Variants in TAF3 observed in about 807,000 individuals in gnomAD.
TAF3 encodes the protein TATA-box binding protein associated factor 3.
A neutral mutation model predicts 80.6 loss-of-function variants in TAF3; 7 were observed. The observed-to-expected ratio is 0.09, with a 90% CI of 0.05 to 0.16. The LOEUF (loss-of-function observed/expected upper bound fraction) is 0.16, where lower values mean the gene tolerates loss of function less well. Among genes scored for constraint, TAF3 ranks in the 10% least tolerant of loss-of-function variants. The pLI is 1.00. For missense variants in TAF3, 921 were observed against 1,140.2 expected, an observed-to-expected ratio of 0.81 and a Z score of 2.77; for synonymous variants, 444 against 446.1, an observed-to-expected ratio of 1.00 and a Z score of 0.06.
intron 3 of TAF3, among the ~76,000 whole-genome samples, chr10:7,976,664 G>A (rs777729411): frequency 6.6e-6 from 1 of 151,960 alleles, no homozygotes; most frequent in Non-Finnish European, 1.5e-5. Context: ...GGCCTCCCAA[G>A]GTGCTGAGAT....
At chr10:7,908,085 CCA>C (rs1176747114) in intron 2 of TAF3, among the ~76,000 whole-genome samples, 1 of 152,234 alleles carries the variant, frequency 6.6e-6, no homozygotes, top group East Asian at 1.9e-4. Context: ...GTCCTTTATT[CCA>C]CATTTCCAAC....
chr10:7,858,377 C>T (rs1837103918), intron 2 of TAF3, among the ~76,000 whole-genome samples: 1 of 152,134 alleles, frequency 6.6e-6, no homozygotes, highest in African/African-American at 2.4e-5. Context: ...GTTTTTCTTC[C>T]TGGCGCTTGA....
At chr10:7,985,381 T>A (rs1245208156) in intron 4 of TAF3, among the ~76,000 whole-genome samples, 1 of 152,218 alleles carries the variant, frequency 6.6e-6, no homozygotes, top group Non-Finnish European at 1.5e-5. Context: ...GCTCCTCTCC[T>A]CTGTGTCTTC....
chr10:7,823,069 C>T (rs950993387), intron 1 of TAF3, among the ~76,000 whole-genome samples: 1 of 152,098 alleles, frequency 6.6e-6, no homozygotes, highest in Non-Finnish European at 1.5e-5. Flanking sequence ...GCCATGATTG[C>T]CCTTCTGCAC....
At chr10:7,909,771 C>T (rs1393608954) in intron 2 of TAF3, among the ~76,000 whole-genome samples, 1 of 152,122 alleles carries the variant, frequency 6.6e-6, no homozygotes, top group Non-Finnish European at 1.5e-5. Context: ...TCTTTATTTG[C>T]AGAATAGGAA....
At chr10:7,865,478 CAA>C (rs1837202947) in intron 2 of TAF3, among the ~76,000 whole-genome samples, 1 of 53,794 alleles carries the variant, frequency 1.9e-5, no homozygotes, top group Non-Finnish European at 5.3e-5. Flanking sequence ...GACTCCGTCT[CAA>C]ACAAACAAAC....
At chr10:7,935,505 AC>A in intron 2 of TAF3, among the ~76,000 whole-genome samples, 1 of 150,768 alleles carries the variant, frequency 6.6e-6, no homozygotes, top group East Asian at 2.0e-4. Flanking sequence ...AATGGCGTGA[AC>A]CCGGGAGGCG....
intron 2 of TAF3, among the ~76,000 whole-genome samples, chr10:7,838,812 G>C (rs1420684899): frequency 3.3e-5 from 5 of 151,548 alleles, no homozygotes; most frequent in African/African-American, 1.2e-4. Flanking sequence ...GGCCCTCTCA[G>C]ATACCTTCCT....
At chr10:7,869,719 A>C (rs74514054) in intron 2 of TAF3, among the ~76,000 whole-genome samples, 1 of 152,230 alleles carries the variant, frequency 6.6e-6, no homozygotes, top group Non-Finnish European at 1.5e-5. Context: ...CTGTCCCAGC[A>C]TGCACCCCTG....
chr10:7,913,454 A>C (rs1233165176), intron 2 of TAF3, among the ~76,000 whole-genome samples: 1 of 152,266 alleles, frequency 6.6e-6, no homozygotes, highest in African/African-American at 2.4e-5. Context: ...TAATAGAAAT[A>C]GAGAAGTCAG....
chr10:7,974,696 G>T (rs1011865598), intron 3 of TAF3, among the ~76,000 whole-genome samples: 8 of 152,162 alleles, frequency 5.3e-5, no homozygotes, highest in Non-Finnish European at 1.2e-4. Context: ...AGACAATGAA[G>T]TGAAGATTGA....
rs1836659638 is a variant in TAF3, at chr10:7,818,919, A to G, written c.166+44A>G. The G allele has an allele frequency of 8.8e-6, 12 of 1,364,356 alleles. No homozygotes were observed. The South Asian group carries it at 1.3e-4, about 15-fold the overall frequency. The allele number at this position is 1,364,356 out of a possible 1,614,324, so 84.5% of individuals were successfully genotyped here. On this transcript the variant is annotated intron_variant, in intron 1 of 6. Coordinates refer to ENST00000344293, the MANE Select transcript of TAF3 (RefSeq NM_031923.4). ...GCGGGAGGGCTGCCCCGGCAAGTCA[A>G]GGGTGACACCTTCGCTCTCCCTGTC...
rs375155158 is a variant in TAF3 at position 7,965,337 on chromosome 10, G to A, written c.1827G>A (p.Val609=). Residue 609 remains valine (V), a synonymous_variant, in exon 3 of 7, where the codon GTG becomes GTA. Coordinates refer to ENST00000344293, the MANE Select transcript of TAF3 (RefSeq NM_031923.4). ...DPKVKLKDGL[V]RKEKEKHKDK... ...AAGTGAAATTGAAAGATGGACTTGT[G>A]AGGAAGGAGAAAGAGAAGCATAAAG... 19 of 1,603,666 alleles carry A rather than the reference G, an allele frequency of 1.2e-5. No individual in the cohort carries two copies. The African/African-American group carries it at 2.4e-4, about 21-fold the overall frequency.
At chr10:7,883,583 T>G (rs568641797) in intron 2 of TAF3, among the ~76,000 whole-genome samples, 1 of 152,344 alleles carries the variant, frequency 6.6e-6, no homozygotes, top group Admixed American at 6.5e-5. Context: ...TACCTACTAG[T>G]TTATCATCCA....
chr10:7,882,525 T>C (rs1164088542), intron 2 of TAF3, among the ~76,000 whole-genome samples: 1 of 152,188 alleles, frequency 6.6e-6, no homozygotes, highest in East Asian at 1.9e-4. Context: ...GGAAAGCCCT[T>C]GAAAGGTTTT....
intron 2 of TAF3, among the ~76,000 whole-genome samples, chr10:7,911,016 A>G (rs1837652449): frequency 6.6e-6 from 1 of 152,224 alleles, no homozygotes; most frequent in Non-Finnish European, 1.5e-5. Context: ...TATTTGCCAC[A>G]TTCTTAGCAC....
chr10:7,910,633 G>A (rs770309149), intron 2 of TAF3, among the ~76,000 whole-genome samples: 9 of 152,024 alleles, frequency 5.9e-5, no homozygotes, highest in Non-Finnish European at 1.0e-4. Flanking sequence ...CACCCACCTC[G>A]GCCTCCCAAA....
intron 2 of TAF3, among the ~76,000 whole-genome samples, chr10:7,942,795 TA>T (rs1311535765): frequency 6.6e-6 from 1 of 152,212 alleles, no homozygotes; most frequent in Non-Finnish European, 1.5e-5. Flanking sequence ...GAAATTTAGT[TA>T]AAAAAATTTT....
intron 2 of TAF3, among the ~76,000 whole-genome samples, chr10:7,865,057 A>G (rs1463979943): frequency 6.6e-6 from 1 of 152,044 alleles, no homozygotes; most frequent in African/African-American, 2.4e-5. Context: ...TTGTGGATAG[A>G]GTGATGGGTT....
Sources: gnomAD v4.1 joint callset for allele counts (sites outside exome capture counted in the v4.1 genomes callset) on GRCh38, gnomAD v4.1.1 for gene constraint, MANE v1.5 for transcripts, NCBI Gene and HGNC (gene_info 2026-07-23, HGNC 2026-07-21) for gene names.